Variants in GLYR1 observed in about 807,000 individuals in gnomAD.
GLYR1 encodes the protein glyoxylate reductase 1 homolog, also known as cytokine-like nuclear factor N-PAC.
GLYR1 carries 21 observed loss-of-function variants against 72.7 expected under a neutral mutation model. That is an observed-to-expected ratio of 0.29 (90% CI 0.20 to 0.42). GLYR1 has a LOEUF of 0.42. GLYR1 is among the 10% of genes least tolerant of loss of function. The probability of loss-of-function intolerance (pLI) is 1.00; values close to 1 mark genes in which losing one functional copy is unlikely to be tolerated. For missense variants in GLYR1, 594 were observed against 712.1 expected, an observed-to-expected ratio of 0.83 and a Z score of 1.89; for synonymous variants, 392 against 270.2, an observed-to-expected ratio of 1.45 and a Z score of -4.42.
chr16:4,806,061 G>A (rs2082948933), intron 15 of GLYR1, among the ~76,000 whole-genome samples: 3 of 152,204 alleles, frequency 2.0e-5, no homozygotes, highest in Admixed American at 2.0e-4. Flanking sequence ...GAAACACCCA[G>A]GACACCTATA....
intron 12 of GLYR1, among the ~76,000 whole-genome samples, chr16:4,812,713 G>C (rs2083390963): frequency 6.6e-6 from 1 of 151,712 alleles, no homozygotes; most frequent in African/African-American, 2.4e-5. Flanking sequence ...GGATTGTCTT[G>C]ATCTCCTGAC....
intron 15 of GLYR1, among the ~76,000 whole-genome samples, chr16:4,806,503 A>T (rs1227472710): frequency 1.3e-5 from 2 of 151,664 alleles, no homozygotes; most frequent in Non-Finnish European, 2.9e-5. Context: ...GTAGCTAGGA[A>T]TAGGGTGCTC....
At chr16:4,837,322 A>G (rs2085204481) in intron 3 of GLYR1, among the ~76,000 whole-genome samples, 1 of 151,860 alleles carries the variant, frequency 6.6e-6, no homozygotes, top group East Asian at 1.9e-4. Context: ...AATCCCAGCT[A>G]CTTAGGAGGC....
At chr16:4,810,739 CG>C (rs1216452633) in intron 15 of GLYR1, among the ~76,000 whole-genome samples, 2 of 129,660 alleles carry the variant, frequency 1.5e-5, no homozygotes, top group Admixed American at 8.4e-5. Context: ...AAAAATTAGC[CG>C]GGCGTGGTGG....
At chr16:4,813,363 A>AT (rs1456927440) in intron 12 of GLYR1, among the ~76,000 whole-genome samples, 5 of 152,266 alleles carry the variant, frequency 3.3e-5, no homozygotes, top group Non-Finnish European at 5.9e-5. Flanking sequence ...CCCTCAGAAC[A>AT]TATGTGGGTC....
intron 5 of GLYR1, among the ~76,000 whole-genome samples, chr16:4,828,484 C>G (rs1190961680): frequency 6.6e-6 from 1 of 152,122 alleles, no homozygotes; most frequent in Non-Finnish European, 1.5e-5. Context: ...CTGCAATGAT[C>G]TGGAATCGAA....
chr16:4,830,949 C>CA (rs1482525408), intron 5 of GLYR1, among the ~76,000 whole-genome samples: 1 of 152,114 alleles, frequency 6.6e-6, no homozygotes, highest in East Asian at 1.9e-4. Flanking sequence ...ATTCACCTCC[C>CA]AAATCTACAT....
At chr16:4,815,948 A>G (rs1196783199) in intron 10 of GLYR1, among the ~76,000 whole-genome samples, 1 of 150,982 alleles carries the variant, frequency 6.6e-6, no homozygotes. Context: ...TGCCCGGCTA[A>G]TTTTTCGTAT....
rs771092695 is a variant in GLYR1 at position 4,821,533 on chromosome 16, T to C, written c.732+14A>G. The C allele has an allele frequency of 2.5e-6, 4 of 1,613,870 alleles. No homozygotes were observed. Among genetic ancestry groups the C allele is most frequent in the South Asian group, 2.2e-5 (2 of 91,084 alleles). ...AGGTGAAAATTAAAATGGGGAGGCA[T>C]GGAGCCTACATACCTCTTCACATAT... is the stretch of plus-strand genomic sequence containing the variant. On this transcript the variant is annotated intron_variant, in intron 8 of 15. Coordinates refer to ENST00000321919, the MANE Select transcript of GLYR1 (RefSeq NM_032569.4).
intron 7 of GLYR1, 142 bp from the exon 8 acceptor site, chr16:4,821,739 A>C (rs1040113048): frequency 2.7e-6 from 2 of 734,040 alleles, no homozygotes; most frequent in Non-Finnish European, 4.8e-6. Flanking sequence ...CAAATTTTAC[A>C]CTAGAAAGTT....
intron 3 of GLYR1, among the ~76,000 whole-genome samples, chr16:4,834,781 T>C (rs980850983): frequency 3.9e-5 from 6 of 152,108 alleles, no homozygotes; most frequent in Non-Finnish European, 4.4e-5. Context: ...GACCAACTCA[T>C]CTTAAAGTTT....
Position 4,811,204 on chromosome 16 carries a change from T to A in GLYR1, c.1553A>T (p.Asn518Ile). ...TGCAGCTGCCATGGGAGTCGGATGGTTGACCGCATCACCCAGCGCAATGGC... is the reference window on the plus strand; with the variant it reads ...TGCAGCTGCCATGGGAGTCGGATGGATGACCGCATCACCCAGCGCAATGGC... ...RLAIALGDAV[N>I]HPTPMAAAAN... The change falls in exon 15 of 16, where the codon AAC (asparagine) becomes ATC (isoleucine). Residue 518 changes from asparagine to isoleucine, a missense_variant. By Grantham distance (149) the Asn-to-Ile change is moderately radical (BLOSUM62 -3). Around this residue, in one of 5 missense-constraint regions of GLYR1, gnomAD observed 266 missense variants for 358.4 expected, o/e 0.74. Coordinates refer to ENST00000321919, the MANE Select transcript of GLYR1 (RefSeq NM_032569.4). 6.2e-7 allele frequency: 1 copy of A among 1,614,074 alleles called. No individual in the cohort carries two copies. The highest frequency in any genetic ancestry group is 2.2e-5 in the East Asian group (1 of 44,882).
At position 4,827,158 on chromosome 16, in the gene GLYR1, C is replaced by T. The variant is rs138507275; in HGVS notation, c.538-3251G>A. ...GGTCAGCTTTTTCCATTAATCCTCA[C>T]GGGGCAGGAGATTATGTCCCGGAAT... is the stretch of plus-strand genomic sequence containing the variant. On this transcript the variant is annotated intron_variant, in intron 5 of 15. Transcript: ENST00000321919. Among the ~76,000 whole-genome samples, 10 of 152,354 alleles carry T rather than the reference C, an allele frequency of 6.6e-5. No homozygotes were observed. The East Asian group carries it at 1.2e-3, about 18-fold the overall frequency.
chr16:4,831,511 T>C (rs1325220166), intron 5 of GLYR1, among the ~76,000 whole-genome samples: 1 of 152,236 alleles, frequency 6.6e-6, no homozygotes, highest in East Asian at 1.9e-4. Flanking sequence ...TCACACGGGC[T>C]GTGCCCTCCA....
At position 4,846,115 on chromosome 16, in the gene GLYR1, C is replaced by G. The variant is rs73517030; in HGVS notation, c.75+59G>C. On this transcript the variant is annotated intron_variant, in intron 2 of 15. Coordinates refer to ENST00000321919, the MANE Select transcript of GLYR1 (RefSeq NM_032569.4). ...TAGAAACTGAGAGGAATGCATCTTACATTCTCCACCTCTTCAAACCCAACT... is the reference window on the plus strand; with the variant it reads ...TAGAAACTGAGAGGAATGCATCTTAGATTCTCCACCTCTTCAAACCCAACT... 5,623 of 1,567,358 alleles carry G rather than the reference C, an allele frequency of 3.6e-3. 161 individuals carry two copies. The African/African-American group carries it at 0.062, about 17-fold the overall frequency.
intron 3 of GLYR1, among the ~76,000 whole-genome samples, chr16:4,833,656 A>G (rs564027134): frequency 1.9e-4 from 29 of 152,276 alleles, no homozygotes; most frequent in Non-Finnish European, 3.5e-4. Flanking sequence ...AAAAAAAAAA[A>G]AATAGAAACA....
At chr16:4,844,883 T>A (rs190311440) in intron 3 of GLYR1, among the ~76,000 whole-genome samples, 191 bp downstream of exon 3, 1 of 152,336 alleles carries the variant, frequency 6.6e-6, no homozygotes, top group East Asian at 1.9e-4. Context: ...GTTATAGACC[T>A]AGGACAGTTG....
Position 4,817,592 on chromosome 16 carries a change from GCTTA to G in GLYR1, c.906+2_906+5del. The stretch of plus-strand genomic sequence containing the variant: ...GATCCAACAGGCACCACCCCTGAAT[GCTTA>G]CTTTCTCTGCAGTGCGGTTCCAGAC... On this transcript the variant is annotated splice_donor_variant and splice_donor_5th_base_variant and intron_variant, in intron 10 of 15. Transcript: ENST00000321919. LOFTEE classifies it high-confidence loss of function. 1 of 1,583,420 alleles carries G rather than the reference GCTTA, an allele frequency of 6.3e-7. No homozygotes were observed. The highest frequency in any genetic ancestry group is 8.7e-7 in the Non-Finnish European group (1 of 1,151,988).
In GLYR1 at chr16:4,812,080, T is replaced by A; in HGVS notation, c.1282+6A>T. 1.2e-6 allele frequency: 2 copies of A among 1,612,442 alleles called. No individual in the cohort carries two copies. The highest frequency in any genetic ancestry group is 1.7e-6 in the Non-Finnish European group (2 of 1,179,208). On this transcript the variant is annotated splice_donor_region_variant and intron_variant, in intron 13 of 15. Transcript: ENST00000321919. The stretch of plus-strand genomic sequence containing the variant: ...GCTCCAGGCCTGACAGGTGCAGGCG[T>A]GTTACCTAGGAAGAAGGAGGTCTTC...
Sources: allele counts gnomAD v4.1 joint callset (sites outside exome capture counted in the v4.1 genomes callset), GRCh38; gene constraint gnomAD v4.1.1; regional missense constraint gnomAD v4.1.1; transcripts MANE v1.5; gene names NCBI Gene and HGNC (gene_info 2026-07-23, HGNC 2026-07-21).